GALK2: variants seen among roughly 807,000 people sequenced by gnomAD.
The protein encoded by GALK2 is N-acetylgalactosamine kinase.
Under a neutral mutation model 52.4 loss-of-function variants are expected in GALK2, and 36 were observed. The observed-to-expected ratio is 0.69, with a 90% CI of 0.53 to 0.91. The LOEUF (loss-of-function observed/expected upper bound fraction) is 0.91, where lower values mean the gene tolerates loss of function less well. Ranked by LOEUF, GALK2 falls within the 40% of genes least tolerant of loss-of-function variation. GALK2 has a pLI of 0.00. For synonymous variants in GALK2, 176 were observed against 199.1 expected (o/e 0.88, Z 0.98); for missense variants, 579 against 559.1 (o/e 1.04, Z -0.36).
intron 3 of GALK2, chr15:49,354,114 T>C (rs1040536058): frequency 6.6e-6 from 1 of 152,254 alleles, no homozygotes; most frequent in Non-Finnish European, 1.5e-5. Flanking sequence ...AGATTATTTC[T>C]TTATATAGCT....
intron 3 of GALK2, chr15:49,365,966 A>G: frequency 1.2e-6 from 1 of 856,228 alleles, no homozygotes; most frequent in Non-Finnish European, 2.0e-6. Context: ...CATTTGTGGA[A>G]GAAATAAAGT....
intron 1 of GALK2, 21 bp downstream of exon 1, chr15:49,170,396 G>A: frequency 6.3e-7 from 1 of 1,575,546 alleles, no homozygotes; most frequent in South Asian, 1.2e-5. Flanking sequence ...GGAGACGCCG[G>A]GCTTTGGGAT....
chr15:49,326,255 A>ATTTTTTTTT (rs35381509), intron 9 of GALK2, among the ~76,000 whole-genome samples: 2 of 100,702 alleles, frequency 2.0e-5, no homozygotes, highest in African/African-American at 3.7e-5. Flanking sequence ...TATGACAACC[A>ATTTTTTTTT]TTTTTTTTTT....
At chr15:49,337,508 C>CTTTTTTTTTTTTT (rs33973907) in intron 3 of GALK2, among the ~76,000 whole-genome samples, 2 of 36,080 alleles carry the variant, frequency 5.5e-5, no homozygotes, top group African/African-American at 1.2e-4. Context: ...CATTTACCCA[C>CTTTTTTTTTTTTT]TTTTTTTTTT....
chr15:49,237,667 G>T (rs1026385319), intron 4 of GALK2, among the ~76,000 whole-genome samples: 1 of 151,820 alleles, frequency 6.6e-6, no homozygotes, highest in African/African-American at 2.4e-5. Context: ...AGTAGAGACG[G>T]GGTTTCACTA....
chr15:49,288,572 A>G (rs985106361), intron 7 of GALK2, among the ~76,000 whole-genome samples: 7 of 152,116 alleles, frequency 4.6e-5, no homozygotes, highest in African/African-American at 1.4e-4. Context: ...AAAACCAAAT[A>G]CTCAAGAATG....
At chr15:49,203,356 G>C (rs1030967906) in intron 2 of GALK2, among the ~76,000 whole-genome samples, 10 of 152,104 alleles carry the variant, frequency 6.6e-5, no homozygotes, top group African/African-American at 2.4e-4. Context: ...GAGACCATTT[G>C]CCAATTTTTT....
At chr15:49,194,698 T>C (rs920680916) in intron 1 of GALK2, among the ~76,000 whole-genome samples, 1 of 151,420 alleles carries the variant, frequency 6.6e-6, no homozygotes, top group Non-Finnish European at 1.5e-5. Flanking sequence ...CAAGTTTAAG[T>C]GATTCTCCTG....
chr15:49,198,142 A>G (rs1306913684), intron 1 of GALK2, among the ~76,000 whole-genome samples: 1 of 152,156 alleles, frequency 6.6e-6, no homozygotes. Context: ...ACACTTAATT[A>G]CCTACCATCT....
At chr15:49,216,163 G>T (rs1156942670) in intron 2 of GALK2, among the ~76,000 whole-genome samples, 1 of 152,048 alleles carries the variant, frequency 6.6e-6, no homozygotes, top group African/African-American at 2.4e-5. Flanking sequence ...CTGGCACTGT[G>T]CTAGGTCACA....
intron 7 of GALK2, among the ~76,000 whole-genome samples, chr15:49,287,354 A>G (rs1215227221): frequency 1.3e-5 from 2 of 152,182 alleles, no homozygotes; most frequent in African/African-American, 2.4e-5. Flanking sequence ...CAAGATGGAA[A>G]ATGTTTTCTA....
intron 1 of GALK2, chr15:49,178,797 T>C (rs1249836139): frequency 4.7e-6 from 1 of 211,984 alleles, no homozygotes; most frequent in East Asian, 1.1e-4. Flanking sequence ...TCTCCCCCAT[T>C]ATTTATTTTC....
At chr15:49,161,406 C>G (rs1179998907) in intron 1 of GALK2, among the ~76,000 whole-genome samples, 1 of 152,298 alleles carries the variant, frequency 6.6e-6, no homozygotes. Flanking sequence ...TATCACACAT[C>G]AAAATATTTT....
At chr15:49,308,100 C>G (rs546394052) in intron 8 of GALK2, among the ~76,000 whole-genome samples, 1 of 152,234 alleles carries the variant, frequency 6.6e-6, no homozygotes, top group Non-Finnish European at 1.5e-5. Context: ...GAGGATTATT[C>G]AAGTGTTTTT....
At chr15:49,305,747 A>G (rs1473001522) in intron 8 of GALK2, among the ~76,000 whole-genome samples, 1 of 152,122 alleles carries the variant, frequency 6.6e-6, no homozygotes, top group Non-Finnish European at 1.5e-5. Flanking sequence ...AGTCATATGA[A>G]TAAAGAAAAC....
chr15:49,155,913 TG>T, exon 1 of GALK2: 5 of 1,478,586 alleles, frequency 3.4e-6, no homozygotes, highest in Non-Finnish European at 4.7e-6. Context: ...TCTCCTCCCT[TG>T]CTTGGGACTC....
chr15:49,311,928 T>C (rs955946934), intron 8 of GALK2, among the ~76,000 whole-genome samples: 11 of 152,234 alleles, frequency 7.2e-5, no homozygotes, highest in Admixed American at 5.2e-4. Flanking sequence ...ACATTCGACA[T>C]GACTCTTCAG....
intron 8 of GALK2, among the ~76,000 whole-genome samples, chr15:49,315,806 G>A (rs1370683924): frequency 6.6e-6 from 1 of 152,188 alleles, no homozygotes; most frequent in South Asian, 2.1e-4. Context: ...ATTCAGGAAG[G>A]TGCCAGGATT....
chr15:49,310,032 C>T (rs1046945523), intron 8 of GALK2, among the ~76,000 whole-genome samples: 4 of 152,158 alleles, frequency 2.6e-5, no homozygotes, highest in African/African-American at 9.7e-5. Flanking sequence ...TTCCTACTTG[C>T]CTTCCCCCAC....
Sources: allele counts gnomAD v4.1 joint callset (sites outside exome capture counted in the v4.1 genomes callset), GRCh38; gene constraint gnomAD v4.1.1; transcripts MANE v1.5; gene names NCBI Gene and HGNC (gene_info 2026-07-23, HGNC 2026-07-21).